ABCA12: variants seen among roughly 807,000 people sequenced by gnomAD.
ABCA12 encodes ATP binding cassette subfamily A member 12, also known as glucosylceramide transporter ABCA12.
Under a neutral mutation model 293.5 loss-of-function variants are expected in ABCA12, and 156 were observed. The ratio of observed to expected loss-of-function variants is 0.53; its 90% CI spans 0.47 to 0.61. ABCA12 has a LOEUF of 0.61. ABCA12 is among the 20% of genes least tolerant of loss of function. ABCA12 has a pLI of 0.00. For missense variants in ABCA12, 2,797 were observed against 3,090.2 expected (o/e 0.91, Z 2.25); for synonymous variants, 1,063 against 1,108.0 (o/e 0.96, Z 0.81).
intron 2 of ABCA12, among the ~76,000 whole-genome samples, chr2:215,086,094 T>A (rs1702032516): frequency 6.6e-6 from 1 of 152,208 alleles, no homozygotes; most frequent in Non-Finnish European, 1.5e-5. Flanking sequence ...TGCTGTCAAC[T>A]ACATTTATTG....
intron 1 of ABCA12, among the ~76,000 whole-genome samples, chr2:215,135,498 AG>A (rs1461140978): frequency 2.8e-4 from 42 of 152,306 alleles, no homozygotes; most frequent in Middle Eastern, 3.4e-3. Flanking sequence ...TTTACCATTA[AG>A]TAAGGACTAT....
chr2:215,020,292 G>GCACA lies in ABCA12; in HGVS notation c.1288-500_1288-497dup, dbSNP rs55917549. Among the ~76,000 whole-genome samples the GCACA allele has an allele frequency of 8.1e-3, 1,211 of 148,746 alleles. 7 individuals carry two copies. The highest frequency in any genetic ancestry group is 0.022 in the East Asian group (110 of 5,076). ...TTGTGCACTGTTGGTGGGAATGTAT[G>GCACA]CACACACACACACACACACACAGAG... On this transcript the variant is annotated intron_variant, in intron 11 of 52. Transcript: ENST00000272895.
At chr2:215,102,002 A>G (rs1285709421) in intron 2 of ABCA12, among the ~76,000 whole-genome samples, 1 of 151,718 alleles carries the variant, frequency 6.6e-6, no homozygotes, top group Non-Finnish European at 1.5e-5. Context: ...TCTAGTCCCA[A>G]TGGTCCTATT....
intron 5 of ABCA12, chr2:215,050,797 A>C (rs1219328069): frequency 1.0e-6 from 1 of 985,198 alleles, no homozygotes; most frequent in Non-Finnish European, 1.2e-6. Context: ...AACTCACCCA[A>C]AAATGATTTC....
chr2:215,039,908 G>C (rs1250226746), intron 7 of ABCA12, among the ~76,000 whole-genome samples: 1 of 151,916 alleles, frequency 6.6e-6, no homozygotes, highest in Non-Finnish European at 1.5e-5. Context: ...GTCTTTTACT[G>C]TACTAGGTCT....
chr2:214,961,060 G>A (rs549826140), intron 39 of ABCA12, among the ~76,000 whole-genome samples: 9 of 152,042 alleles, frequency 5.9e-5, no homozygotes, highest in Non-Finnish European at 1.3e-4. Flanking sequence ...TGTGTTAGAG[G>A]GAGGCAGTGG....
Position 214,934,060 on chromosome 2 carries a change from T to G in ABCA12, c.7680+18A>C, listed in dbSNP as rs1698145517. 1 of 1,610,978 alleles carries G rather than the reference T, an allele frequency of 6.2e-7. No homozygotes were observed. Among genetic ancestry groups the G allele is most frequent in the African/African-American group, 1.3e-5 (1 of 74,798 alleles). ...TAATATGTGACGTTGTGCACATGGA[T>G]CGTGGTATATATCTTACCTCTTCCA... On this transcript the variant is annotated intron_variant, in intron 52 of 52. Transcript: ENST00000272895.
intron 39 of ABCA12, among the ~76,000 whole-genome samples, chr2:214,966,282 G>C (rs1483051450): frequency 6.6e-6 from 1 of 152,170 alleles, no homozygotes; most frequent in Non-Finnish European, 1.5e-5. Flanking sequence ...AATAGCTAAT[G>C]GATGCTGGGC....
At position 215,114,129 on chromosome 2, in the gene ABCA12, C is replaced by A. The variant is rs1038207980; in HGVS notation, c.70-2439G>T. 2.0e-5 allele frequency among the ~76,000 whole-genome samples: 3 copies of A among 152,254 alleles called. 1 individual carries two copies. Among genetic ancestry groups the A allele is most frequent in the African/African-American group, 7.2e-5 (3 of 41,546 alleles). On this transcript the variant is annotated intron_variant, in intron 1 of 52. Coordinates refer to ENST00000272895, the MANE Select transcript of ABCA12 (RefSeq NM_173076.3). ...AGCTGGGACTACAGGCACATGCCAC[C>A]ATGCCCAGCTAATTTTTGTATTTTT...
At chr2:215,081,356 T>C (rs1325944892) in intron 2 of ABCA12, among the ~76,000 whole-genome samples, 2 of 151,528 alleles carry the variant, frequency 1.3e-5, no homozygotes, top group Non-Finnish European at 2.9e-5. Flanking sequence ...TGCACGCCTG[T>C]AGTCCCAGCT....
Position 215,064,060 on chromosome 2 carries a change from C to T in ABCA12, c.317+6G>A. 6.2e-7 allele frequency: 1 copy of T among 1,612,454 alleles called. No homozygotes were observed. The highest frequency in any genetic ancestry group is 8.5e-7 in the Non-Finnish European group (1 of 1,178,846). On this transcript the variant is annotated splice_donor_region_variant and intron_variant, in intron 3 of 52. Transcript: ENST00000272895. Reference sequence around the variant, plus strand: ...ACAATTGAACACACTTGAGAAGTGCCCCCACCTGTCTTTAAATAGTGCATC... The same window carrying T: ...ACAATTGAACACACTTGAGAAGTGCTCCCACCTGTCTTTAAATAGTGCATC...
At chr2:215,080,005 A>G (rs1340582004) in intron 2 of ABCA12, among the ~76,000 whole-genome samples, 3 of 152,180 alleles carry the variant, frequency 2.0e-5, no homozygotes, top group Non-Finnish European at 4.4e-5. Context: ...TTTAATTCTT[A>G]TAACAACTCG....
At chr2:214,947,018 A>G (rs1450515325) in intron 48 of ABCA12, among the ~76,000 whole-genome samples, 2 of 152,212 alleles carry the variant, frequency 1.3e-5, no homozygotes, top group Non-Finnish European at 2.9e-5. Flanking sequence ...CCTCCATAGT[A>G]GAAGCTGGAA....
chr2:214,953,831 C>G, intron 44 of ABCA12, 23 bp downstream of exon 44: 1 of 1,610,734 alleles, frequency 6.2e-7, no homozygotes, highest in Non-Finnish European at 8.5e-7. Flanking sequence ...AGATGTCAAA[C>G]GTTATGTTTT....
chr2:215,049,236 AT>A (rs1701268413), intron 6 of ABCA12, among the ~76,000 whole-genome samples: 1 of 152,134 alleles, frequency 6.6e-6, no homozygotes, highest in Non-Finnish European at 1.5e-5. Flanking sequence ...AAATAAAAAG[AT>A]TTTACCCATT....
At chr2:215,116,377 A>G (rs143900900) in intron 1 of ABCA12, among the ~76,000 whole-genome samples, 1 of 152,288 alleles carries the variant, frequency 6.6e-6, no homozygotes, top group Non-Finnish European at 1.5e-5. Flanking sequence ...TGTAGAAGAT[A>G]AAGAAAGAGA....
At chr2:214,997,390 T>A (rs1434063949) in intron 23 of ABCA12, among the ~76,000 whole-genome samples, 1 of 152,208 alleles carries the variant, frequency 6.6e-6, no homozygotes, top group Non-Finnish European at 1.5e-5. Flanking sequence ...AAACTTCCTC[T>A]GTTAGATCCT....
chr2:214,955,462 A>G (rs748455010), intron 42 of ABCA12, 101 bp from the exon 43 acceptor site: 17 of 1,212,010 alleles, frequency 1.4e-5, no homozygotes, highest in Non-Finnish European at 1.9e-5. Flanking sequence ...CAGGTGGATC[A>G]CTTGAGCCCA....
chr2:215,050,213 T>C (rs1278802444), intron 5 of ABCA12, among the ~76,000 whole-genome samples: 1 of 152,180 alleles, frequency 6.6e-6, no homozygotes, highest in Admixed American at 6.6e-5. Context: ...AAACTGGTTG[T>C]GATCTTTGGA....
Sources: allele counts gnomAD v4.1 joint callset (sites outside exome capture counted in the v4.1 genomes callset), GRCh38; gene constraint gnomAD v4.1.1; transcripts MANE v1.5; gene names NCBI Gene and HGNC (gene_info 2026-07-23, HGNC 2026-07-21).